The following MFAP1 variants were observed in gnomAD, a reference collection of about 807,000 sequenced individuals.
MFAP1 encodes the protein microfibrillar-associated protein 1.
Under a neutral mutation model 62.2 loss-of-function variants are expected in MFAP1, and 18 were observed. That is an observed-to-expected ratio of 0.29 (90% CI 0.20 to 0.43). The LOEUF (loss-of-function observed/expected upper bound fraction) is 0.43, where lower values mean the gene tolerates loss of function less well. Among genes scored for constraint, MFAP1 ranks in the 20% least tolerant of loss-of-function variants. The probability of loss-of-function intolerance (pLI) is 1.00; values close to 1 mark genes in which losing one functional copy is unlikely to be tolerated. For missense variants in MFAP1, 355 were observed against 559.7 expected (o/e 0.63, Z 3.69); for synonymous variants, 175 against 180.4 (o/e 0.97, Z 0.24).
At chr15:43,814,307 G>A (rs1183335456) in intron 4 of MFAP1, among the ~76,000 whole-genome samples, 194 bp downstream of exon 4, 2 of 152,200 alleles carry the variant, frequency 1.3e-5, no homozygotes, top group Non-Finnish European at 2.9e-5. Context: ...AAAAAGAGAT[G>A]TGAAAACAAA....
Position 43,811,423 on chromosome 15 carries a change from A to G in MFAP1, c.888-1509T>C, listed in dbSNP as rs1249828105. Among the ~76,000 whole-genome samples the G allele has an allele frequency of 2.0e-5, 3 of 150,668 alleles. No homozygotes were observed. The East Asian group carries it at 6.0e-4, about 30-fold the overall frequency. On this transcript the variant is annotated intron_variant, in intron 6 of 8. Coordinates refer to ENST00000267812, the MANE Select transcript of MFAP1 (RefSeq NM_005926.3). ...AGAGTGAGACTGTGTCTCAAAAAAA[A>G]AAAAAAAACCAAAAACAAAAAATTA... is the stretch of plus-strand genomic sequence containing the variant.
chr15:43,813,441 G>A, intron 4 of MFAP1, 84 bp from the exon 5 acceptor site: 3 of 1,189,494 alleles, frequency 2.5e-6, no homozygotes, highest in Admixed American at 2.8e-5. Context: ...ATCCAAATCA[G>A]ACAAAAACCA....
At chr15:43,812,892 GA>G in intron 6 of MFAP1, 94 bp downstream of exon 6, 1 of 1,397,356 alleles carries the variant, frequency 7.2e-7, no homozygotes, top group Middle Eastern at 1.9e-4. Context: ...AAGGTGGCTA[GA>G]ATGGAACTCA....
rs559840188 is a variant in MFAP1, at chr15:43,807,080, G to A, written c.1048-1615C>T. Among the ~76,000 whole-genome samples, 210 of 152,120 alleles carry A rather than the reference G, an allele frequency of 1.4e-3. 2 individuals are homozygous for A. Among genetic ancestry groups the A allele is most frequent in the South Asian group, 2.5e-3 (12 of 4,818 alleles). On this transcript the variant is annotated intron_variant, in intron 7 of 8. Transcript: ENST00000267812. ...AGTCTATACATCTTGGCCGGGCATA[G>A]TAGCTCACGCCTGTAATCCCAGCAC... is the stretch of plus-strand genomic sequence containing the variant.
Position 43,820,016 on chromosome 15 carries a change from C to T in MFAP1, c.80-2568G>A, listed in dbSNP as rs141379104. On this transcript the variant is annotated intron_variant, in intron 1 of 8. Coordinates refer to ENST00000267812, the MANE Select transcript of MFAP1 (RefSeq NM_005926.3). The stretch of plus-strand genomic sequence containing the variant: ...CAAAAAAATTAGCCAGGCATGGTGG[C>T]GAGTGCCTGTAGTCCCAGCTACTTG... 6.0e-3 allele frequency among the ~76,000 whole-genome samples: 919 copies of T among 152,236 alleles called. 64 individuals are homozygous for T. The East Asian group carries it at 0.15, about 24-fold the overall frequency.
At chr15:43,813,912 A>G (rs187843558) in intron 4 of MFAP1, among the ~76,000 whole-genome samples, 1 of 152,294 alleles carries the variant, frequency 6.6e-6, no homozygotes, top group East Asian at 1.9e-4. Context: ...TCTAGCCATC[A>G]GGAAAGGAAT....
intron 1 of MFAP1, among the ~76,000 whole-genome samples, chr15:43,821,637 A>G (rs1245079274): frequency 1.3e-5 from 2 of 152,164 alleles, no homozygotes; most frequent in Non-Finnish European, 2.9e-5. Context: ...ATATAGTAAA[A>G]TTAGACCTCT....
Position 43,815,061 on chromosome 15 carries a change from G to A in MFAP1, c.313C>T (p.Arg105Ter), listed in dbSNP as rs764152770. 1 of 1,613,762 alleles carries A rather than the reference G, an allele frequency of 6.2e-7. No individual in the cohort carries two copies. Among genetic ancestry groups the A allele is most frequent in the Non-Finnish European group, 8.5e-7 (1 of 1,179,976 alleles). ...EDVEERLARH[R>*]KIVEPEVVGE... Reference sequence around the variant, plus strand: ...ACCACTTCAGGTTCCACTATTTTTCGATGTCGAGCCAATCTGAAAAACAGT... The same window carrying A: ...ACCACTTCAGGTTCCACTATTTTTCAATGTCGAGCCAATCTGAAAAACAGT... The change falls in exon 3 of 9, where the codon CGA (arginine) becomes TGA (stop). Residue 105 changes from arginine (R) to a stop codon, truncating the protein, a stop_gained. Coordinates refer to ENST00000267812, the MANE Select transcript of MFAP1 (RefSeq NM_005926.3). LOFTEE classifies it high-confidence loss of function.
At chr15:43,816,390 G>A (rs1016816088) in intron 2 of MFAP1, among the ~76,000 whole-genome samples, 1 of 151,756 alleles carries the variant, frequency 6.6e-6, no homozygotes, top group African/African-American at 2.4e-5. Flanking sequence ...GATTACAGGT[G>A]CCCGCCACCA....
Position 43,805,571 on chromosome 15 carries a change from T to C in MFAP1, c.1048-106A>G, listed in dbSNP as rs559768852. On this transcript the variant is annotated intron_variant, in intron 7 of 8. Coordinates refer to ENST00000267812, the MANE Select transcript of MFAP1 (RefSeq NM_005926.3). Reference sequence around the variant, plus strand: ...GGGATACAGAGAAAGCAGAGGGTATTGAGCCTTTCTTCAAGAGCTTACATC... The same window carrying C: ...GGGATACAGAGAAAGCAGAGGGTATCGAGCCTTTCTTCAAGAGCTTACATC... 10 of 876,414 alleles carry C rather than the reference T, an allele frequency of 1.1e-5. 1 individual carries two copies. In the South Asian group the frequency reaches 1.3e-4, roughly 12 times the overall value. The allele number at this position is 876,414 out of a possible 1,614,324, so 54.3% of individuals were successfully genotyped here. A position where few individuals can be genotyped will look rare whatever the true frequency, so the allele number is the denominator to read the frequency against.
chr15:43,817,490 C>T, intron 1 of MFAP1, 42 bp from the exon 2 acceptor site: 1 of 1,602,208 alleles, frequency 6.2e-7, no homozygotes, highest in Non-Finnish European at 8.5e-7. Context: ...GCCTCTTTCT[C>T]AATGTGCTTC....
At chr15:43,819,796 G>T (rs1288617495) in intron 1 of MFAP1, among the ~76,000 whole-genome samples, 1 of 152,210 alleles carries the variant, frequency 6.6e-6, no homozygotes, top group Non-Finnish European at 1.5e-5. Flanking sequence ...GTATCATAAA[G>T]TGCTGGGATT....
At chr15:43,805,324 T>C in intron 8 of MFAP1, 48 bp from the exon 9 acceptor site, 1 of 1,601,578 alleles carries the variant, frequency 6.2e-7, no homozygotes, top group Non-Finnish European at 8.5e-7. Flanking sequence ...AAACCATGCC[T>C]CAGCTATCAA....
chr15:43,806,798 G>C (rs2141704291), intron 7 of MFAP1, among the ~76,000 whole-genome samples: 1 of 152,310 alleles, frequency 6.6e-6, no homozygotes, highest in East Asian at 1.9e-4. Flanking sequence ...CTTGAACTCA[G>C]GAGGTGGAGG....
Position 43,813,363 on chromosome 15 carries a change from T to A in MFAP1, c.618-6A>T, listed in dbSNP as rs1596056727. On this transcript the variant is annotated splice_polypyrimidine_tract_variant and splice_region_variant and intron_variant, in intron 4 of 8. Transcript: ENST00000267812. ...GAACTGTCACTCGGTCCTTCCTGCA[T>A]CACAGAGATCCTGTTAATTGCCCAA... The A allele has an allele frequency of 6.2e-7, 1 of 1,602,270 alleles. No homozygotes were observed. The highest frequency in any genetic ancestry group is 2.2e-5 in the East Asian group (1 of 44,856).
intron 1 of MFAP1, among the ~76,000 whole-genome samples, chr15:43,822,711 G>A (rs1030542210): frequency 2.0e-5 from 3 of 152,112 alleles, no homozygotes; most frequent in Non-Finnish European, 4.4e-5. Flanking sequence ...TGTTGCTTAG[G>A]TTGGAGTGTA....
At chr15:43,806,476 C>T (rs2087366476) in intron 7 of MFAP1, among the ~76,000 whole-genome samples, 1 of 152,192 alleles carries the variant, frequency 6.6e-6, no homozygotes, top group Non-Finnish European at 1.5e-5. Context: ...ATTAGTTTTC[C>T]TCTACTATCA....
chr15:43,811,457 G>C (rs2087400540), intron 6 of MFAP1, among the ~76,000 whole-genome samples: 1 of 148,954 alleles, frequency 6.7e-6, no homozygotes, highest in Non-Finnish European at 1.5e-5. Context: ...TACAGGCTGA[G>C]TATGGAGTTA....
At chr15:43,805,734 TC>T (rs2087360159) in intron 7 of MFAP1, among the ~76,000 whole-genome samples, 2 of 151,950 alleles carry the variant, frequency 1.3e-5, no homozygotes, top group East Asian at 3.9e-4. Context: ...TGCCTCAGCC[TC>T]CCGAGTAGCT....
Sources: allele counts gnomAD v4.1 joint callset (sites outside exome capture counted in the v4.1 genomes callset), GRCh38; gene constraint gnomAD v4.1.1; transcripts MANE v1.5; gene names NCBI Gene and HGNC (gene_info 2026-07-23, HGNC 2026-07-21).